TTC23: variants seen among roughly 807,000 people sequenced by gnomAD.
TTC23 encodes tetratricopeptide repeat protein 23.
In TTC23, 58 loss-of-function variants were observed where a neutral mutation model predicts 55.1. The ratio of observed to expected loss-of-function variants is 1.05; its 90% CI spans 0.85 to 1.31. TTC23 has a LOEUF of 1.31. Among genes scored for constraint, TTC23 ranks in the 50% most tolerant of loss-of-function variants. TTC23 has a pLI of 0.00. For missense variants in TTC23, 516 were observed against 534.4 expected, an observed-to-expected ratio of 0.97 and a Z score of 0.34; for synonymous variants, 203 against 199.9, an observed-to-expected ratio of 1.02 and a Z score of -0.13.
At chr15:99,157,901 A>G (rs1446225236) in intron 11 of TTC23, 1 of 152,244 alleles carries the variant, frequency 6.6e-6, no homozygotes, top group Non-Finnish European at 1.5e-5. Flanking sequence ...TCAGCTGCAG[A>G]GCATGGATGC....
Position 99,199,462 on chromosome 15 carries a change from G to A in TTC23, c.759+457C>T, listed in dbSNP as rs193011184. On this transcript the variant is annotated intron_variant, in intron 9 of 13. Coordinates refer to ENST00000394132, the MANE Select transcript of TTC23 (RefSeq NM_001288615.3). ...AAAAAACCAAAGTGTGTGTGTTTGT[G>A]TGTGTGTGTGTGTGTGTACGTATCC... is the stretch of plus-strand genomic sequence containing the variant. 1.3e-5 allele frequency among the ~76,000 whole-genome samples: 2 copies of A among 150,308 alleles called. 1 individual carries two copies. The highest frequency in any genetic ancestry group is 3.0e-5 in the Non-Finnish European group (2 of 67,638).
chr15:99,156,876 A>AT (rs1002529204), intron 11 of TTC23, among the ~76,000 whole-genome samples: 1 of 152,244 alleles, frequency 6.6e-6, no homozygotes, highest in African/African-American at 2.4e-5. Context: ...CCACTCAGCC[A>AT]TTACAGGAAT....
At chr15:99,183,397 C>A (rs1270488794) in intron 9 of TTC23, among the ~76,000 whole-genome samples, 1 of 151,292 alleles carries the variant, frequency 6.6e-6, no homozygotes, top group East Asian at 1.9e-4. Flanking sequence ...TCTCGACTCA[C>A]TGCAACCTCC....
At chr15:99,139,681 A>T (rs1309986738) in intron 12 of TTC23, 3 of 1,391,844 alleles carry the variant, frequency 2.2e-6, no homozygotes, top group Non-Finnish European at 2.9e-6. Flanking sequence ...TAAAGGCAAG[A>T]ACCTTGGTAC....
At chr15:99,190,093 A>G (rs2075100076) in intron 9 of TTC23, among the ~76,000 whole-genome samples, 1 of 151,986 alleles carries the variant, frequency 6.6e-6, no homozygotes, top group Non-Finnish European at 1.5e-5. Flanking sequence ...AAGCAGGAGG[A>G]TTGCTTGACC....
At chr15:99,159,085 G>C (rs769663398) in intron 11 of TTC23, 2 of 152,354 alleles carry the variant, frequency 1.3e-5, no homozygotes, top group African/African-American at 4.8e-5. Flanking sequence ...GAGCCAGTTT[G>C]CTAAAATCTT....
chr15:99,149,962 C>T (rs2069482550), intron 12 of TTC23, among the ~76,000 whole-genome samples: 1 of 152,230 alleles, frequency 6.6e-6, no homozygotes, highest in Admixed American at 6.5e-5. Flanking sequence ...CTTCCCCTGC[C>T]TGGGGTGCAG....
intron 2 of TTC23, among the ~76,000 whole-genome samples, chr15:99,243,926 C>T (rs2080019842): frequency 6.6e-6 from 1 of 151,856 alleles, no homozygotes; most frequent in Non-Finnish European, 1.5e-5. Flanking sequence ...AACAGGGTGA[C>T]TACAGTCAAC....
intron 12 of TTC23, chr15:99,145,010 G>A (rs879994313): frequency 7.9e-5 from 12 of 152,202 alleles, no homozygotes; most frequent in African/African-American, 2.9e-4. Context: ...ATACAAGTAC[G>A]CTTTCATTTA....
At chr15:99,241,212 G>A (rs2079765469) in intron 3 of TTC23, among the ~76,000 whole-genome samples, 153 bp downstream of exon 3, 1 of 152,174 alleles carries the variant, frequency 6.6e-6, no homozygotes, top group African/African-American at 2.4e-5. Flanking sequence ...GCGACTCGGA[G>A]GCTGAGGCAC....
chr15:99,165,142 C>T (rs2071894197), intron 10 of TTC23, among the ~76,000 whole-genome samples: 1 of 152,092 alleles, frequency 6.6e-6, no homozygotes, highest in African/African-American at 2.4e-5. Context: ...CTATGGGTCC[C>T]CATACTAGGC....
rs2070528393 is a variant in TTC23 at position 99,156,168 on chromosome 15, C to A, written c.1123G>T (p.Ala375Ser). 1.2e-6 allele frequency: 2 copies of A among 1,614,210 alleles called. No homozygotes were observed. Among genetic ancestry groups the A allele is most frequent in the Non-Finnish European group, 1.7e-6 (2 of 1,180,032 alleles). ...TTTACCTTCTTCAGTTTCTTGCGGGCCCCACTGTGGTTCCCCTGCGCCAGG... is the reference window on the plus strand; with the variant it reads ...TTTACCTTCTTCAGTTTCTTGCGGGACCCACTGTGGTTCCCCTGCGCCAGG... ...ADLAQGNHSG[A>S]RKKLKKCLQI... is the part of the protein sequence containing the mutation. Residue 375 changes from alanine to serine, a missense_variant, in exon 12 of 14, where the codon GCC becomes TCC. Transcript: ENST00000394132.
At chr15:99,147,709 CT>C (rs1404911982) in intron 12 of TTC23, among the ~76,000 whole-genome samples, 2 of 152,134 alleles carry the variant, frequency 1.3e-5, no homozygotes, top group African/African-American at 4.8e-5. Context: ...ATGACCCTCT[CT>C]TTAAAAAAGG....
At chr15:99,218,167 T>C (rs1339076863) in intron 8 of TTC23, among the ~76,000 whole-genome samples, 1 of 152,210 alleles carries the variant, frequency 6.6e-6, no homozygotes, top group East Asian at 1.9e-4. Context: ...CAAAGAACAA[T>C]CCTTTCGTGA....
intron 6 of TTC23, 124 bp downstream of exon 6, chr15:99,221,617 G>T: frequency 1.6e-6 from 2 of 1,236,366 alleles, no homozygotes; most frequent in Non-Finnish European, 1.1e-6. Flanking sequence ...AAAAGAAATG[G>T]CTTCTTGGTA....
At chr15:99,248,106 G>A (rs1171137878) in intron 1 of TTC23, 1 of 152,122 alleles carries the variant, frequency 6.6e-6, no homozygotes, top group African/African-American at 2.4e-5. Context: ...TGCTTTCGAA[G>A]ACTACAAAGA....
chr15:99,167,924 C>G (rs2072357448), intron 10 of TTC23, among the ~76,000 whole-genome samples: 1 of 152,196 alleles, frequency 6.6e-6, no homozygotes, highest in Non-Finnish European at 1.5e-5. Flanking sequence ...CAAATCATAG[C>G]CTGGCGCTAA....
Position 99,136,550 on chromosome 15 carries a change from G to C in TTC23, c.*1460C>G, listed in dbSNP as rs1347763091. 2 of 152,202 alleles carry C rather than the reference G, an allele frequency of 1.3e-5. No individual in the cohort carries two copies. Among genetic ancestry groups the C allele is most frequent in the East Asian group, 3.9e-4 (2 of 5,194 alleles). 9.4% of individuals were successfully genotyped at this position (152,202 alleles called of 1,614,324 possible). On this transcript the variant is annotated 3_prime_UTR_variant, in exon 14 of 14. Coordinates refer to ENST00000394132, the MANE Select transcript of TTC23 (RefSeq NM_001288615.3). ...TGTGTCCTCACATGGTGGAGAGAGA[G>C]ATCATCTCTCTGGTGTCTCTCCTTA... is the stretch of plus-strand genomic sequence containing the variant.
chr15:99,202,631 A>C (rs538526823), intron 8 of TTC23, among the ~76,000 whole-genome samples: 1 of 152,332 alleles, frequency 6.6e-6, no homozygotes, highest in Non-Finnish European at 1.5e-5. Context: ...CCTACTAGCT[A>C]TCTCAGCCAA....
Sources: allele counts gnomAD v4.1 joint callset (sites outside exome capture counted in the v4.1 genomes callset), GRCh38; gene constraint gnomAD v4.1.1; transcripts MANE v1.5; gene names NCBI Gene and HGNC (gene_info 2026-07-23, HGNC 2026-07-21).